Variants in CACUL1 observed in about 807,000 individuals in gnomAD.
CACUL1 encodes CDK2 associated cullin domain 1.
CACUL1 carries 13 observed loss-of-function variants against 45.2 expected under a neutral mutation model. The ratio of observed to expected loss-of-function variants is 0.29; its 90% confidence interval spans 0.19 to 0.46. The LOEUF (loss-of-function observed/expected upper bound fraction) is 0.46. Among genes scored for constraint, CACUL1 ranks in the 20% least tolerant of loss-of-function variants. The pLI is 1.00. For synonymous variants in CACUL1, 197 were observed against 174.2 expected (o/e 1.13, Z -1.03); for missense variants, 421 against 471.4 (o/e 0.89, Z 0.99).
intron 6 of CACUL1, among the ~76,000 whole-genome samples, chr10:118,694,572 T>C (rs185467014): frequency 6.6e-6 from 1 of 152,370 alleles, no homozygotes; most frequent in East Asian, 1.9e-4. Flanking sequence ...TAGAAAGATA[T>C]ATACAAAAGC....
chr10:118,711,165 C>A (rs923139085), intron 3 of CACUL1, among the ~76,000 whole-genome samples: 2 of 152,204 alleles, frequency 1.3e-5, no homozygotes, highest in South Asian at 4.1e-4. Flanking sequence ...CTGCAACCTC[C>A]GTCTCCCAGG....
At chr10:118,739,148 A>C (rs542639382) in intron 1 of CACUL1, among the ~76,000 whole-genome samples, 1 of 151,882 alleles carries the variant, frequency 6.6e-6, no homozygotes, top group African/African-American at 2.4e-5. Context: ...GTGAGCCGAG[A>C]TCATGCCACT....
intron 5 of CACUL1, among the ~76,000 whole-genome samples, chr10:118,695,574 G>T (rs891805901): frequency 6.6e-5 from 10 of 152,144 alleles, no homozygotes; most frequent in African/African-American, 2.4e-4. Flanking sequence ...AGTATCATAT[G>T]ATAATCTCCC....
intron 3 of CACUL1, among the ~76,000 whole-genome samples, chr10:118,725,791 A>G (rs1217414638): frequency 6.6e-6 from 1 of 152,272 alleles, no homozygotes; most frequent in African/African-American, 2.4e-5. Context: ...ACATTCAACA[A>G]ATTATTCTAA....
chr10:118,738,055 T>C (rs1845755632), intron 1 of CACUL1, among the ~76,000 whole-genome samples: 1 of 152,216 alleles, frequency 6.6e-6, no homozygotes, highest in African/African-American at 2.4e-5. Flanking sequence ...AGTCAATCTC[T>C]CCTTGGCATT....
At chr10:118,737,029 T>C (rs1227763826) in intron 1 of CACUL1, among the ~76,000 whole-genome samples, 2 of 151,804 alleles carry the variant, frequency 1.3e-5, no homozygotes, top group Admixed American at 6.6e-5. Context: ...GTTCCCACAG[T>C]GTACAAAATC....
chr10:118,729,248 G>T, intron 3 of CACUL1, 47 bp downstream of exon 3: 1 of 1,309,318 alleles, frequency 7.6e-7, no homozygotes, highest in Non-Finnish European at 1.1e-6. Context: ...ACTGCAACCA[G>T]TCAGGAAAAC....
At chr10:118,747,066 G>C (rs1004682979) in intron 1 of CACUL1, among the ~76,000 whole-genome samples, 3 of 152,144 alleles carry the variant, frequency 2.0e-5, no homozygotes, top group African/African-American at 7.2e-5. Flanking sequence ...TAACGCAAGG[G>C]ATCTAGGTTG....
At chr10:118,736,570 T>C (rs1845742743) in intron 1 of CACUL1, among the ~76,000 whole-genome samples, 1 of 146,698 alleles carries the variant, frequency 6.8e-6, no homozygotes, top group Non-Finnish European at 1.5e-5. Context: ...TTAAAACTCC[T>C]GGGCTCAAGT....
chr10:118,692,145 A>T (rs1434048425), intron 6 of CACUL1, among the ~76,000 whole-genome samples: 1 of 152,168 alleles, frequency 6.6e-6, no homozygotes, highest in African/African-American at 2.4e-5. Flanking sequence ...TATTTAAAAA[A>T]AGAGGCAGCA....
At chr10:118,688,492 TAC>T (rs1370362122) in intron 7 of CACUL1, among the ~76,000 whole-genome samples, 2 of 152,038 alleles carry the variant, frequency 1.3e-5, no homozygotes, top group African/African-American at 4.8e-5. Context: ...AGGAGAAAAA[TAC>T]AGACGTGAAA....
chr10:118,727,877 A>C (rs1208612342), intron 3 of CACUL1, among the ~76,000 whole-genome samples: 1 of 152,234 alleles, frequency 6.6e-6, no homozygotes, highest in Non-Finnish European at 1.5e-5. Context: ...ATTCAGGTAG[A>C]AATTCAGGTA....
chr10:118,700,961 T>C (rs1208049470), intron 5 of CACUL1, among the ~76,000 whole-genome samples: 3 of 152,132 alleles, frequency 2.0e-5, no homozygotes, highest in East Asian at 3.9e-4. Flanking sequence ...AAAATAACAC[T>C]GTATTCCTTC....
At chr10:118,703,646 T>A (rs1845406134) in intron 4 of CACUL1, among the ~76,000 whole-genome samples, 1 of 152,202 alleles carries the variant, frequency 6.6e-6, no homozygotes, top group Non-Finnish European at 1.5e-5. Context: ...TGCGAAATAG[T>A]CTTCCAAAGA....
At chr10:118,700,679 T>C (rs1312530650) in intron 5 of CACUL1, among the ~76,000 whole-genome samples, 1 of 142,158 alleles carries the variant, frequency 7.0e-6, no homozygotes, top group Non-Finnish European at 1.5e-5. Context: ...ATCACACCAC[T>C]GCACTCCAGT....
chr10:118,717,061 C>T (rs1347095770), intron 3 of CACUL1, among the ~76,000 whole-genome samples: 1 of 152,206 alleles, frequency 6.6e-6, no homozygotes, highest in Non-Finnish European at 1.5e-5. Context: ...CTTTGCCACA[C>T]TCCAAAGTCT....
At chr10:118,686,489 T>C in intron 8 of CACUL1, 109 bp downstream of exon 8, 3 of 900,406 alleles carry the variant, frequency 3.3e-6, no homozygotes, top group South Asian at 1.4e-5. Context: ...CAGTGCCTTA[T>C]GAGAACAACA....
Position 118,730,271 on chromosome 10 carries a change from A to T in CACUL1, c.494+13T>A. ...TACCCTTTCAAACCCAAGCAAATTA[A>T]ATCTTAACTTACCTGTATATCTGTT... On this transcript the variant is annotated intron_variant, in intron 2 of 8. Coordinates refer to ENST00000369151, the MANE Select transcript of CACUL1 (RefSeq NM_153810.5). The T allele has an allele frequency of 6.2e-7, 1 of 1,613,108 alleles. No individual in the cohort carries two copies. Among genetic ancestry groups the T allele is most frequent in the South Asian group, 1.1e-5 (1 of 91,018 alleles).
At chr10:118,695,267 A>G in intron 5 of CACUL1, 37 bp from the exon 6 acceptor site, 1 of 1,119,438 alleles carries the variant, frequency 8.9e-7, no homozygotes, top group Non-Finnish European at 1.4e-6. Flanking sequence ...AATGTAACAC[A>G]TATTGACTGT....
Sources: allele counts gnomAD v4.1 joint callset (sites outside exome capture counted in the v4.1 genomes callset), GRCh38; gene constraint gnomAD v4.1.1; transcripts MANE v1.5; gene names NCBI Gene and HGNC (gene_info 2026-07-23, HGNC 2026-07-21).